The following METTL15 variants were observed in gnomAD, a reference collection of about 807,000 sequenced individuals.
METTL15 encodes 12S rRNA N(4)-cytidine methyltransferase METTL15.
Under a neutral mutation model 38.3 loss-of-function variants are expected in METTL15, and 34 were observed. The observed-to-expected ratio is 0.89, with a 90% CI of 0.68 to 1.18. The LOEUF (loss-of-function observed/expected upper bound fraction) is 1.18, where lower values mean the gene tolerates loss of function less well. Among genes scored for constraint, METTL15 ranks in the 50% most tolerant of loss-of-function variants. The pLI is 0.00. For synonymous variants in METTL15, 162 were observed against 170.9 expected, an observed-to-expected ratio of 0.95 and a Z score of 0.41; for missense variants, 438 against 498.4, an observed-to-expected ratio of 0.88 and a Z score of 1.15.
At chr11:28,315,940 A>T (rs1857465044) in intron 6 of METTL15, among the ~76,000 whole-genome samples, 2 of 152,206 alleles carry the variant, frequency 1.3e-5, no homozygotes, top group Non-Finnish European at 2.9e-5. Flanking sequence ...ATGTATGGAA[A>T]CACCTGCATG....
intron 6 of METTL15, among the ~76,000 whole-genome samples, chr11:28,468,365 T>G (rs1851275084): frequency 6.6e-6 from 1 of 152,208 alleles, no homozygotes; most frequent in East Asian, 1.9e-4. Flanking sequence ...AATGAAGAGA[T>G]GGTAGTGCGT....
chr11:28,173,936 TATGTC>T (rs1850954388), intron 3 of METTL15, among the ~76,000 whole-genome samples: 1 of 152,192 alleles, frequency 6.6e-6, no homozygotes, highest in Non-Finnish European at 1.5e-5. Flanking sequence ...CCATTTTCAT[TATGTC>T]ATGTCAAGGG....
intron 6 of METTL15, among the ~76,000 whole-genome samples, chr11:28,481,997 CT>C (rs968295268): frequency 6.6e-6 from 1 of 151,554 alleles, no homozygotes; most frequent in East Asian, 1.9e-4. Flanking sequence ...GGATTTTGAG[CT>C]TTTTTTTTCC....
At chr11:28,277,901 G>A (rs192276003) in intron 4 of METTL15, among the ~76,000 whole-genome samples, 4 of 152,234 alleles carry the variant, frequency 2.6e-5, no homozygotes, top group East Asian at 3.9e-4. Flanking sequence ...AGGTGACTGC[G>A]TTGGGGAGGA....
intron 3 of METTL15, among the ~76,000 whole-genome samples, chr11:28,351,076 G>A (rs1850036726): frequency 6.6e-6 from 1 of 151,530 alleles, no homozygotes; most frequent in Admixed American, 6.6e-5. Context: ...TAAACCGTAT[G>A]GAATTTGAGA....
intron 6 of METTL15, among the ~76,000 whole-genome samples, chr11:28,475,268 T>C (rs1387013452): frequency 6.6e-6 from 1 of 152,232 alleles, no homozygotes; most frequent in Non-Finnish European, 1.5e-5. Flanking sequence ...GTAATTCATG[T>C]TGATACTCTA....
chr11:28,486,261 A>C (rs1422821107), intron 6 of METTL15, among the ~76,000 whole-genome samples: 2 of 152,038 alleles, frequency 1.3e-5, no homozygotes, highest in Non-Finnish European at 2.9e-5. Context: ...AGGCCACTTC[A>C]CTCATGGGGG....
chr11:28,240,151 G>T (rs989340946), intron 4 of METTL15, among the ~76,000 whole-genome samples: 5 of 152,108 alleles, frequency 3.3e-5, no homozygotes, highest in Admixed American at 1.3e-4. Flanking sequence ...AAATAAAGCT[G>T]CCCTGTAATA....
intron 4 of METTL15, among the ~76,000 whole-genome samples, chr11:28,280,771 T>A (rs536104357): frequency 6.6e-6 from 1 of 151,884 alleles, no homozygotes; most frequent in Admixed American, 6.6e-5. Flanking sequence ...TCTTTGGCTA[T>A]TTGTGAGCTG....
chr11:28,230,155 C>G (rs1853629660), intron 4 of METTL15, among the ~76,000 whole-genome samples: 1 of 151,854 alleles, frequency 6.6e-6, no homozygotes, highest in Admixed American at 6.6e-5. Context: ...ATTTATTTAG[C>G]TCATTACTGA....
chr11:28,211,379 T>C (rs1010354963), intron 4 of METTL15, among the ~76,000 whole-genome samples, 181 bp downstream of exon 4: 38 of 152,092 alleles, frequency 2.5e-4, no homozygotes, highest in African/African-American at 9.2e-4. Flanking sequence ...AAAGTAATGC[T>C]ATTTTCCAGT....
In METTL15 at chr11:28,378,396, C is replaced by T. The variant is rs183699032; in HGVS notation, c.*358+16360C>T. Among the ~76,000 whole-genome samples the T allele has an allele frequency of 1.3e-3, 203 of 152,298 alleles. 1 individual carries two copies. Among genetic ancestry groups the T allele is most frequent in the Middle Eastern group, 3.4e-3 (1 of 294 alleles). On this transcript the variant is annotated intron_variant and NMD_transcript_variant, in intron 5 of 7. Coordinates refer to the METTL15 transcript ENST00000532947. ...AAGCCTGTCGGAAAAGCGCAGTATT[C>T]GGGTGGGAGTGAACCGATTTTCCAG...
At chr11:28,140,159 C>G (rs970158630) in intron 3 of METTL15, among the ~76,000 whole-genome samples, 3 of 152,154 alleles carry the variant, frequency 2.0e-5, no homozygotes, top group Non-Finnish European at 2.9e-5. Flanking sequence ...AGATGTGCCT[C>G]TAAGAACAGA....
intron 6 of METTL15, among the ~76,000 whole-genome samples, chr11:28,466,138 A>G (rs1457835291): frequency 6.6e-6 from 1 of 152,152 alleles, no homozygotes; most frequent in East Asian, 1.9e-4. Flanking sequence ...GCCAACAACA[A>G]TGTTGGCCAA....
At chr11:28,163,122 C>T (rs1850529544) in intron 3 of METTL15, among the ~76,000 whole-genome samples, 1 of 150,126 alleles carries the variant, frequency 6.7e-6, no homozygotes, top group African/African-American at 2.4e-5. Flanking sequence ...GATGAAAAGG[C>T]AGATATTGCT....
At chr11:28,462,754 A>C (rs1415624752) in intron 6 of METTL15, among the ~76,000 whole-genome samples, 1 of 151,850 alleles carries the variant, frequency 6.6e-6, no homozygotes, top group Admixed American at 6.6e-5. Context: ...CTTGATAGAG[A>C]CTCCTATCAA....
chr11:28,427,739 G>T lies in METTL15; in HGVS notation c.*424+3375G>T, dbSNP rs914430285. Among the ~76,000 whole-genome samples, 5 of 152,292 alleles carry T rather than the reference G, an allele frequency of 3.3e-5. No homozygotes were observed. The South Asian group carries it at 8.3e-4, about 25-fold the overall frequency. ...TCATGATTTGGCTGTCAGCTTGCCT[G>T]TTGTTGGTGTATAGGAATGCTAGCG... On this transcript the variant is annotated intron_variant and NMD_transcript_variant, in intron 6 of 7. Coordinates refer to the METTL15 transcript ENST00000532947.
chr11:28,325,759 A>G (rs757572740), intron 6 of METTL15, among the ~76,000 whole-genome samples: 6 of 152,218 alleles, frequency 3.9e-5, no homozygotes, highest in Non-Finnish European at 8.8e-5. Flanking sequence ...ACTGTGATGT[A>G]CAGTCAGAAT....
chr11:28,109,650 T>C (rs1373849359), intron 1 of METTL15, among the ~76,000 whole-genome samples: 1 of 152,240 alleles, frequency 6.6e-6, no homozygotes, highest in Non-Finnish European at 1.5e-5. Flanking sequence ...AAAATATGCA[T>C]ATTTTGCCAG....
Sources: gnomAD v4.1 joint callset for allele counts (sites outside exome capture counted in the v4.1 genomes callset) on GRCh38, gnomAD v4.1.1 for gene constraint, MANE v1.5 for transcripts, NCBI Gene and HGNC (gene_info 2026-07-23, HGNC 2026-07-21) for gene names.